EXOC4: variants seen among roughly 807,000 people sequenced by gnomAD.
EXOC4 encodes the protein SEC8-like 1.
Under a neutral mutation model 107.2 loss-of-function variants are expected in EXOC4, and 71 were observed. That is an observed-to-expected ratio of 0.66 (90% confidence interval 0.55 to 0.81). The LOEUF (loss-of-function observed/expected upper bound fraction) is 0.81, where lower values mean the gene tolerates loss of function less well. Among genes scored for constraint, EXOC4 ranks in the 30% least tolerant of loss-of-function variants. The probability of loss-of-function intolerance (pLI) is 0.00; values close to 1 mark genes in which losing one functional copy is unlikely to be tolerated. For missense variants in EXOC4, 1,108 were observed against 1,189.6 expected, an observed-to-expected ratio of 0.93 and a Z score of 1.01; for synonymous variants, 456 against 441.2, an observed-to-expected ratio of 1.03 and a Z score of -0.42.
At chr7:133,833,252 A>C (rs1179992357) in intron 11 of EXOC4, among the ~76,000 whole-genome samples, 2 of 152,146 alleles carry the variant, frequency 1.3e-5, no homozygotes, top group African/African-American at 4.8e-5. Flanking sequence ...AGAAGGAAAA[A>C]AAAAAAAGGC....
chr7:133,862,536 C>T (rs1798557059), intron 11 of EXOC4, among the ~76,000 whole-genome samples: 1 of 152,008 alleles, frequency 6.6e-6, no homozygotes, highest in Admixed American at 6.6e-5. Flanking sequence ...TTAATTAAGG[C>T]ATTTATTTTG....
intron 9 of EXOC4, among the ~76,000 whole-genome samples, chr7:133,564,319 C>G (rs796263966): frequency 3.3e-5 from 5 of 152,130 alleles, no homozygotes; most frequent in African/African-American, 1.2e-4. Context: ...CACACACTTT[C>G]AAACAACCAA....
intron 9 of EXOC4, among the ~76,000 whole-genome samples, chr7:133,535,753 CCA>C (rs1016723649): frequency 6.0e-5 from 9 of 149,762 alleles, no homozygotes; most frequent in African/African-American, 2.3e-4. Flanking sequence ...TATCTATCCT[CCA>C]CACATGTCAT....
chr7:133,840,099 T>C (rs1420702308), intron 11 of EXOC4, among the ~76,000 whole-genome samples: 2 of 152,212 alleles, frequency 1.3e-5, no homozygotes, highest in African/African-American at 4.8e-5. Flanking sequence ...TCTAGAAAGG[T>C]AGATAGATTC....
At chr7:133,648,459 A>C (rs959004337) in intron 10 of EXOC4, among the ~76,000 whole-genome samples, 1 of 152,200 alleles carries the variant, frequency 6.6e-6, no homozygotes. Flanking sequence ...AGATATGTGC[A>C]ATATAATATT....
chr7:133,691,224 G>A (rs1338800665), intron 10 of EXOC4, among the ~76,000 whole-genome samples: 1 of 152,130 alleles, frequency 6.6e-6, no homozygotes, highest in African/African-American at 2.4e-5. Context: ...TGAAATGATG[G>A]CTCAAAAAGT....
intron 10 of EXOC4, among the ~76,000 whole-genome samples, chr7:133,659,245 T>G (rs1172291340): frequency 6.6e-6 from 1 of 152,004 alleles, no homozygotes; most frequent in African/African-American, 2.4e-5. Flanking sequence ...CTAATGTGGA[T>G]AGTAGTAGTG....
rs569539364 is a variant in EXOC4 at position 133,578,230 on chromosome 7, T to A, written c.1418-51815T>A. 1.7e-4 allele frequency among the ~76,000 whole-genome samples: 25 copies of A among 151,414 alleles called. No homozygotes were observed. In the South Asian group the frequency reaches 5.2e-3, roughly 31 times the overall value. On this transcript the variant is annotated intron_variant, in intron 9 of 17. Transcript: ENST00000253861. ...CCTTTTAAATCAGTTTCACCTCTCATCTTAGACTTATCGGGATTTTTATGA... is the reference window on the plus strand; with the variant it reads ...CCTTTTAAATCAGTTTCACCTCTCAACTTAGACTTATCGGGATTTTTATGA...
At chr7:133,295,510 T>C (rs983281324) in intron 3 of EXOC4, among the ~76,000 whole-genome samples, 1 of 152,160 alleles carries the variant, frequency 6.6e-6, no homozygotes, top group Non-Finnish European at 1.5e-5. Flanking sequence ...TAAGTAAATA[T>C]GTTAATCCAC....
intron 9 of EXOC4, among the ~76,000 whole-genome samples, chr7:133,533,112 C>T (rs991445364): frequency 2.1e-4 from 32 of 152,066 alleles, no homozygotes; most frequent in Non-Finnish European, 2.1e-4. Flanking sequence ...TTTGTTGCCT[C>T]CTTTCAGAAA....
intron 6 of EXOC4, among the ~76,000 whole-genome samples, chr7:133,374,580 C>A (rs906657570): frequency 1.3e-5 from 2 of 152,118 alleles, no homozygotes; most frequent in African/African-American, 2.4e-5. Flanking sequence ...GGTTTAGGGG[C>A]TTTACAATTG....
intron 7 of EXOC4, among the ~76,000 whole-genome samples, chr7:133,458,247 A>G (rs1337803873): frequency 1.3e-5 from 2 of 152,304 alleles, no homozygotes; most frequent in East Asian, 1.9e-4. Flanking sequence ...GAGCTGGAAT[A>G]AGGACCTGAC....
chr7:133,719,835 G>A (rs1795070218), intron 10 of EXOC4, among the ~76,000 whole-genome samples: 1 of 152,120 alleles, frequency 6.6e-6, no homozygotes, highest in Non-Finnish European at 1.5e-5. Context: ...AGATTGCAGT[G>A]TCTTGTTCAA....
In EXOC4 at chr7:133,989,138, T is replaced by C. The variant is rs1040495661; in HGVS notation, c.2207-8354T>C. 4.6e-5 allele frequency among the ~76,000 whole-genome samples: 7 copies of C among 152,110 alleles called. No individual in the cohort carries two copies. In the East Asian group the frequency reaches 1.3e-3, roughly 29 times the overall value. Reference sequence around the variant, plus strand: ...TAAATATTAAGAAAATATTTGTAAATAAAATTGGTACAAATTTTTCTTTGC... The same window carrying C: ...TAAATATTAAGAAAATATTTGTAAACAAAATTGGTACAAATTTTTCTTTGC... On this transcript the variant is annotated intron_variant, in intron 14 of 17. Coordinates refer to ENST00000253861, the MANE Select transcript of EXOC4 (RefSeq NM_021807.4).
chr7:133,978,309 A>G (rs1022114188), intron 14 of EXOC4, among the ~76,000 whole-genome samples: 1 of 152,188 alleles, frequency 6.6e-6, no homozygotes, highest in Non-Finnish European at 1.5e-5. Context: ...GTTTGTTGTA[A>G]TTTGGTCTTT....
intron 17 of EXOC4, among the ~76,000 whole-genome samples, chr7:134,056,034 G>A (rs1293558183): frequency 6.6e-6 from 1 of 152,132 alleles, no homozygotes; most frequent in Admixed American, 6.5e-5. Flanking sequence ...GGGCCTCTCA[G>A]CAGTTGTTTC....
At chr7:133,882,856 T>C (rs1798994520) in intron 11 of EXOC4, among the ~76,000 whole-genome samples, 1 of 152,198 alleles carries the variant, frequency 6.6e-6, no homozygotes, top group South Asian at 2.1e-4. Context: ...ATCTGAGCAA[T>C]GTGAGTCCTC....
chr7:133,847,229 T>C (rs1025321999), intron 11 of EXOC4, among the ~76,000 whole-genome samples: 3 of 152,156 alleles, frequency 2.0e-5, no homozygotes, highest in Admixed American at 6.5e-5. Context: ...TACTGTGCAA[T>C]AGAATAAAGA....
At chr7:133,741,407 A>T (rs1339128071) in intron 10 of EXOC4, among the ~76,000 whole-genome samples, 1 of 152,226 alleles carries the variant, frequency 6.6e-6, no homozygotes, top group Non-Finnish European at 1.5e-5. Context: ...CCTAAAAAAT[A>T]TGAAACCTCC....
Sources: gnomAD v4.1 joint callset for allele counts (sites outside exome capture counted in the v4.1 genomes callset) on GRCh38, gnomAD v4.1.1 for gene constraint, MANE v1.5 for transcripts, NCBI Gene and HGNC (gene_info 2026-07-23, HGNC 2026-07-21) for gene names.